The following COPE variants were observed in gnomAD, a reference collection of about 807,000 sequenced individuals.
COPE encodes the protein coat protein complex I subunit epsilon, also known as coatomer subunit epsilon.
Under a neutral mutation model 42.1 loss-of-function variants are expected in COPE, and 19 were observed. The observed-to-expected ratio is 0.45, with a 90% confidence interval of 0.31 to 0.66. The LOEUF is 0.66. COPE is among the 30% of genes least tolerant of loss of function. The pLI, the probability that COPE is intolerant of heterozygous loss-of-function variation, is 0.05. For synonymous variants in COPE, 195 were observed against 181.3 expected (o/e 1.08, Z -0.60); for missense variants, 402 against 416.1 (o/e 0.97, Z 0.30).
chr19:18,914,972 C>T (rs1266476348), intron 1 of COPE, among the ~76,000 whole-genome samples: 7 of 151,996 alleles, frequency 4.6e-5, no homozygotes, highest in African/African-American at 1.2e-4. Context: ...GTGAACCAGC[C>T]GCCTCGGCCT....
At chr19:18,900,218 T>G (rs1046905227) in intron 8 of COPE, among the ~76,000 whole-genome samples, 163 bp downstream of exon 8, 17 of 149,648 alleles carry the variant, frequency 1.1e-4, no homozygotes, top group Non-Finnish European at 2.4e-4. Context: ...GGGCCCCAGG[T>G]GAGGATGGGT....
At chr19:18,906,094 C>T (rs1043098176) in intron 4 of COPE, 7 of 400,082 alleles carry the variant, frequency 1.7e-5, no homozygotes, top group Admixed American at 4.4e-5. Flanking sequence ...ACGAATTACT[C>T]GTGAGGCCTC....
chr19:18,909,996 A>G (rs1286773136), intron 3 of COPE, among the ~76,000 whole-genome samples: 1 of 152,172 alleles, frequency 6.6e-6, no homozygotes, highest in Admixed American at 6.5e-5. Flanking sequence ...TCACCCCACC[A>G]TGCTGCCTCT....
chr19:18,911,096 T>C (rs746856893), intron 2 of COPE, 25 bp from the exon 3 acceptor site: 77 of 1,594,652 alleles, frequency 4.8e-5, no homozygotes, highest in Admixed American at 1.8e-4. Context: ...AGGCGTCAGC[T>C]GCACCCGTCC....
intron 3 of COPE, among the ~76,000 whole-genome samples, chr19:18,907,667 G>A (rs75507108): frequency 0.013 from 1,998 of 152,290 alleles, 47 homozygotes; most frequent in African/African-American, 0.045. Context: ...GCTCAGCTCC[G>A]AGGGCACAGG....
intron 3 of COPE, among the ~76,000 whole-genome samples, chr19:18,907,599 G>A (rs1278843137): frequency 1.3e-5 from 2 of 152,216 alleles, no homozygotes; most frequent in Non-Finnish European, 2.9e-5. Flanking sequence ...GCACCCTGAA[G>A]ATGGCCAGTG....
rs371687865 is a variant in COPE, at chr19:18,919,260, C to G, written c.89G>C (p.Ser30Thr). 3.7e-6 allele frequency: 6 copies of G among 1,613,758 alleles called. No individual in the cohort carries two copies. In the African/African-American group the frequency reaches 4.0e-5, roughly 11 times the overall value. ...FDVKNAFYIG[S>T]YQQCINEAQR... is the part of the protein sequence containing the mutation. Reference sequence around the variant, plus strand: ...CGCCTCGTTTATGCACTGCTGGTAGCTGCCGATGTAGAAGGCGTTCTTTAC... The same window carrying G: ...CGCCTCGTTTATGCACTGCTGGTAGGTGCCGATGTAGAAGGCGTTCTTTAC... Residue 30 changes from serine (S) to threonine (T), a missense_variant, in exon 1 of 10, where the codon AGC becomes ACC. By Grantham distance (58) the Ser-to-Thr change is moderately conservative (BLOSUM62 1). Transcript: ENST00000262812.
At chr19:18,901,638 CTG>C (rs1282286575) in intron 7 of COPE, among the ~76,000 whole-genome samples, 1 of 152,340 alleles carries the variant, frequency 6.6e-6, no homozygotes, top group East Asian at 1.9e-4. Context: ...TAGATTAAAA[CTG>C]TTTCTCAGCT....
chr19:18,919,161 G>A (rs912805187), intron 1 of COPE, 62 bp downstream of exon 1: 85 of 1,541,266 alleles, frequency 5.5e-5, no homozygotes, highest in Admixed American at 5.1e-4. Context: ...CGCGGCTCGC[G>A]GCCACCAGAA....
At chr19:18,910,237 CAG>C (rs1315624064) in intron 3 of COPE, among the ~76,000 whole-genome samples, 1 of 152,198 alleles carries the variant, frequency 6.6e-6, no homozygotes, top group African/African-American at 2.4e-5. Context: ...GCCTGTGGCT[CAG>C]GGGCAGGACA....
At chr19:18,901,702 G>A (rs1028262831) in intron 7 of COPE, among the ~76,000 whole-genome samples, 5 of 152,242 alleles carry the variant, frequency 3.3e-5, no homozygotes, top group Non-Finnish European at 7.3e-5. Context: ...GCCAAGGAGG[G>A]TGAGAATTGT....
intron 1 of COPE, among the ~76,000 whole-genome samples, chr19:18,915,940 T>C (rs1410480541): frequency 6.6e-6 from 1 of 152,202 alleles, no homozygotes; most frequent in Non-Finnish European, 1.5e-5. Flanking sequence ...TGCCAGGTGC[T>C]CTCCCTGGGG....
intron 6 of COPE, among the ~76,000 whole-genome samples, chr19:18,903,757 G>C (rs1184016669): frequency 6.6e-6 from 1 of 152,210 alleles, no homozygotes; most frequent in Non-Finnish European, 1.5e-5. Context: ...CACGTCAGAG[G>C]AGGAGGAGTC....
At chr19:18,915,736 G>T (rs2056848682) in intron 1 of COPE, among the ~76,000 whole-genome samples, 1 of 152,166 alleles carries the variant, frequency 6.6e-6, no homozygotes, top group African/African-American at 2.4e-5. Context: ...AACCTTGGGG[G>T]TAGTAACTCC....
intron 1 of COPE, 83 bp downstream of exon 1, chr19:18,919,140 T>C: frequency 6.8e-7 from 1 of 1,475,630 alleles, no homozygotes; most frequent in Non-Finnish European, 9.3e-7. Flanking sequence ...AGAAAGTTTT[T>C]AGACGCAGAA....
At chr19:18,902,522 A>G in intron 7 of COPE, among the ~76,000 whole-genome samples, 1 of 148,034 alleles carries the variant, frequency 6.8e-6, no homozygotes, top group African/African-American at 2.5e-5. Flanking sequence ...AAAATTAGCC[A>G]GGCGTGGTGG....
Position 18,915,467 on chromosome 19 carries a change from C to T in COPE, c.127-2421G>A, listed in dbSNP as rs143841685. 5.8e-4 allele frequency among the ~76,000 whole-genome samples: 89 copies of T among 152,348 alleles called. 1 individual carries two copies. The highest frequency in any genetic ancestry group is 1.9e-3 in the African/African-American group (80 of 41,584). On this transcript the variant is annotated intron_variant, in intron 1 of 9. Coordinates refer to ENST00000262812, the MANE Select transcript of COPE (RefSeq NM_007263.4). ...GCTCTGGAACCGTTGTGGTTTTCCT[C>T]GACTTCCAGGGACGATCCTACCATC...
chr19:18,919,166 C>T (rs1200610286), intron 1 of COPE, 57 bp downstream of exon 1: 3 of 1,560,142 alleles, frequency 1.9e-6, no homozygotes, highest in Middle Eastern at 2.3e-4. Flanking sequence ...CTCGCGGCCA[C>T]CAGAAAGCGT....
intron 3 of COPE, chr19:18,910,622 C>G (rs2056800455): frequency 4.0e-6 from 1 of 250,320 alleles, no homozygotes; most frequent in South Asian, 7.3e-5. Context: ...GAGGGCCCTG[C>G]CCCCGCTGCG....
Sources: gnomAD v4.1 joint callset for allele counts (sites outside exome capture counted in the v4.1 genomes callset) on GRCh38, gnomAD v4.1.1 for gene constraint, MANE v1.5 for transcripts, NCBI Gene and HGNC (gene_info 2026-07-23, HGNC 2026-07-21) for gene names.